Variants in SOX5 observed in about 807,000 individuals in gnomAD.
SOX5 encodes the protein SRY-box transcription factor 5, also known as transcription factor SOX-5.
In SOX5, 9 loss-of-function variants were observed where a neutral mutation model predicts 92.0. That is an observed-to-expected ratio of 0.10 (90% CI 0.06 to 0.17). The LOEUF is 0.17. Ranked by LOEUF, SOX5 falls within the 10% of genes least tolerant of loss-of-function variation. The pLI is 1.00. For synonymous variants in SOX5, 344 were observed against 336.3 expected, an observed-to-expected ratio of 1.02 and a Z score of -0.25; for missense variants, 642 against 944.5, an observed-to-expected ratio of 0.68 and a Z score of 4.20.
At chr12:24,315,025 T>A (rs1949568359) in intron 2 of SOX5, among the ~76,000 whole-genome samples, 2 of 152,200 alleles carry the variant, frequency 1.3e-5, no homozygotes, top group Admixed American at 1.3e-4. Flanking sequence ...AGTTAATGGA[T>A]TAATTAATGA....
chr12:23,976,681 A>G (rs1948948923), intron 4 of SOX5, among the ~76,000 whole-genome samples: 1 of 152,174 alleles, frequency 6.6e-6, no homozygotes. Flanking sequence ...AAAAGTCAGT[A>G]AGCAACGTCA....
chr12:23,791,816 G>T (rs2095479675), intron 3 of SOX5, among the ~76,000 whole-genome samples: 1 of 151,798 alleles, frequency 6.6e-6, no homozygotes, highest in African/African-American at 2.4e-5. Flanking sequence ...AACTCCCAAG[G>T]TTTGACAAAT....
At chr12:24,549,732 T>C (rs1236015476) in intron 1 of SOX5, among the ~76,000 whole-genome samples, 4 of 152,232 alleles carry the variant, frequency 2.6e-5, no homozygotes, top group Non-Finnish European at 5.9e-5. Context: ...AAAAGATAGT[T>C]GGAGACATTG....
chr12:23,823,694 A>G (rs905478476), intron 3 of SOX5, among the ~76,000 whole-genome samples: 2 of 152,076 alleles, frequency 1.3e-5, no homozygotes, highest in African/African-American at 4.8e-5. Flanking sequence ...CTCCTGGATA[A>G]TATCCTGAAA....
At chr12:23,553,977 T>G (rs766340997) in intron 11 of SOX5, among the ~76,000 whole-genome samples, 11 of 152,098 alleles carry the variant, frequency 7.2e-5, no homozygotes, top group Non-Finnish European at 1.6e-4. Context: ...TCTGACCATT[T>G]TAAAGAGTCA....
intron 2 of SOX5, among the ~76,000 whole-genome samples, chr12:24,344,358 T>C (rs1952961129): frequency 6.6e-6 from 1 of 151,400 alleles, no homozygotes; most frequent in Non-Finnish European, 1.5e-5. Flanking sequence ...AAGTTCCTTA[T>C]CCTTTCCATG....
At chr12:24,450,464 T>C (rs977421168) in intron 1 of SOX5, among the ~76,000 whole-genome samples, 7 of 147,544 alleles carry the variant, frequency 4.7e-5, no homozygotes, top group Non-Finnish European at 1.0e-4. Flanking sequence ...TTCGAGTGTG[T>C]ATTTATTTTA....
chr12:24,340,001 C>T (rs926784681), intron 2 of SOX5, among the ~76,000 whole-genome samples: 2 of 152,146 alleles, frequency 1.3e-5, no homozygotes, highest in Admixed American at 1.3e-4. Context: ...GTGGCTTGAC[C>T]CACTGCCTCA....
chr12:23,897,535 G>GT (rs1484357014), intron 1 of SOX5, among the ~76,000 whole-genome samples: 3 of 152,040 alleles, frequency 2.0e-5, no homozygotes, highest in African/African-American at 7.2e-5. Flanking sequence ...AATAATTAGT[G>GT]TATTATTTAA....
chr12:23,569,074 C>T (rs542415179), intron 10 of SOX5, among the ~76,000 whole-genome samples: 1 of 152,102 alleles, frequency 6.6e-6, no homozygotes. Flanking sequence ...GCCTGTAGTC[C>T]CAGCTACTTG....
intron 1 of SOX5, among the ~76,000 whole-genome samples, chr12:24,402,834 G>A (rs745905708): frequency 1.3e-5 from 2 of 152,126 alleles, no homozygotes; most frequent in Non-Finnish European, 1.5e-5. Flanking sequence ...TGCAAGCTTC[G>A]TTTATTTAAG....
intron 2 of SOX5, among the ~76,000 whole-genome samples, chr12:23,871,511 A>G (rs924295445): frequency 1.3e-5 from 2 of 152,122 alleles, no homozygotes; most frequent in East Asian, 1.9e-4. Flanking sequence ...AAAAAAGGAA[A>G]CTGGTAGGAG....
chr12:23,616,517 G>C (rs2076575057), intron 8 of SOX5, among the ~76,000 whole-genome samples: 1 of 152,216 alleles, frequency 6.6e-6, no homozygotes, highest in Non-Finnish European at 1.5e-5. Flanking sequence ...CTAAGGAATA[G>C]AGTCACCGGG....
chr12:24,449,982 C>A (rs1024456673), intron 1 of SOX5, among the ~76,000 whole-genome samples: 2 of 152,166 alleles, frequency 1.3e-5, no homozygotes, highest in Non-Finnish European at 2.9e-5. Flanking sequence ...AAGACCAAAT[C>A]CTAAGACTAC....
At chr12:24,270,939 G>T (rs1243619919) in intron 3 of SOX5, among the ~76,000 whole-genome samples, 4 of 152,126 alleles carry the variant, frequency 2.6e-5, no homozygotes, top group African/African-American at 7.2e-5. Flanking sequence ...GTTATTTCCG[G>T]ATTTTTTGGC....
rs1235348379 is a variant in SOX5, at chr12:23,642,943, C to T, written c.932-2046G>A. On this transcript the variant is annotated intron_variant, in intron 7 of 14. Coordinates refer to ENST00000451604, the MANE Select transcript of SOX5 (RefSeq NM_006940.6). The stretch of plus-strand genomic sequence containing the variant: ...TCTACTAAAAATACAAAAAATTAGC[C>T]GGGCGTAGTGGCGGGCGCCTGTAGT... 1.9e-4 allele frequency among the ~76,000 whole-genome samples: 26 copies of T among 139,006 alleles called. 2 individuals are homozygous for T. The East Asian group carries it at 4.8e-3, about 25-fold the overall frequency. 91.2% of individuals were successfully genotyped at this position (139,006 alleles called of 152,430 possible). A position where few individuals can be genotyped will look rare whatever the true frequency, so the allele number is the denominator to read the frequency against.
In SOX5 at chr12:23,895,914, A is replaced by G; in HGVS notation, c.149T>C (p.Phe50Ser). Residue 50 changes from phenylalanine to serine, a missense_variant, in exon 2 of 15, where the codon TTT (phenylalanine) becomes TCT (serine). Physicochemically the swap from Phe to Ser is radical, Grantham distance 155. Around this residue, in one of 8 missense-constraint regions of SOX5, gnomAD observed 113 missense variants for 117.7 expected, o/e 0.96. Coordinates refer to ENST00000451604, the MANE Select transcript of SOX5 (RefSeq NM_006940.6). The part of the protein sequence containing the change: ...EEEESDGLPA[F>S]HLPLHVSFPN... ...AAAACTCACATGCAAGGGAAGGTGA[A>G]AGGCTGGGAGCCCGTCACTCTCCTC... 6.2e-7 allele frequency: 1 copy of G among 1,614,006 alleles called. No homozygotes were observed. Among genetic ancestry groups the G allele is most frequent in the Non-Finnish European group, 8.5e-7 (1 of 1,179,882 alleles).
chr12:24,101,288 T>C (rs1027653888), intron 4 of SOX5, among the ~76,000 whole-genome samples: 4 of 152,148 alleles, frequency 2.6e-5, no homozygotes, highest in Admixed American at 2.0e-4. Context: ...ATGGCAACAC[T>C]ATGATCACGT....
intron 4 of SOX5, among the ~76,000 whole-genome samples, chr12:23,979,701 T>TG (rs1949326265): frequency 2.5e-5 from 2 of 80,686 alleles, no homozygotes; most frequent in Non-Finnish European, 4.8e-5. Context: ...TATATATGTT[T>TG]TTTTTGTTTT....
Sources: allele counts gnomAD v4.1 joint callset (sites outside exome capture counted in the v4.1 genomes callset), GRCh38; gene constraint gnomAD v4.1.1; regional missense constraint gnomAD v4.1.1; transcripts MANE v1.5; gene names NCBI Gene and HGNC (gene_info 2026-07-23, HGNC 2026-07-21).